The following GALK2 variants were observed in gnomAD, a reference collection of about 807,000 sequenced individuals.
The protein encoded by GALK2 is N-acetylgalactosamine kinase.
In GALK2, 36 loss-of-function variants were observed where a neutral mutation model predicts 52.4. That is an observed-to-expected ratio of 0.69 (90% CI 0.53 to 0.91). GALK2 has a LOEUF of 0.91. Ranked by LOEUF, GALK2 falls within the 40% of genes least tolerant of loss-of-function variation. GALK2 has a pLI of 0.00. For missense variants in GALK2, 579 were observed against 559.1 expected, an observed-to-expected ratio of 1.04 and a Z score of -0.36; for synonymous variants, 176 against 199.1, an observed-to-expected ratio of 0.88 and a Z score of 0.98.
chr15:49,186,706 T>A (rs2086373335), intron 1 of GALK2, among the ~76,000 whole-genome samples: 1 of 151,856 alleles, frequency 6.6e-6, no homozygotes, highest in South Asian at 2.1e-4. Flanking sequence ...ACCCAGCTAA[T>A]TTTTGTATTT....
intron 1 of GALK2, among the ~76,000 whole-genome samples, chr15:49,159,499 C>T (rs1236522015): frequency 6.6e-6 from 1 of 150,682 alleles, no homozygotes; most frequent in African/African-American, 2.4e-5. Flanking sequence ...TCTTTTGAAC[C>T]AGGGAGGCAG....
At chr15:49,347,051 C>T (rs2041610084) in intron 3 of GALK2, among the ~76,000 whole-genome samples, 1 of 152,198 alleles carries the variant, frequency 6.6e-6, no homozygotes, top group Non-Finnish European at 1.5e-5. Flanking sequence ...TACCCAGATT[C>T]TAAATGGCCT....
Position 49,328,297 on chromosome 15 carries a change from G to T in GALK2, c.*138G>T. ...TATTATATCAAGATATATTTTCAAA[G>T]AAATGGTTGAAAGCTCTCTATGCTT... On this transcript the variant is annotated 3_prime_UTR_variant, in exon 10 of 10. Coordinates refer to ENST00000560031, the MANE Select transcript of GALK2 (RefSeq NM_002044.4). The T allele has an allele frequency of 7.0e-7, 1 of 1,436,672 alleles. No individual in the cohort carries two copies. The highest frequency in any genetic ancestry group is 1.5e-5 in the South Asian group (1 of 64,812). 89.0% of individuals were successfully genotyped at this position (1,436,672 alleles called of 1,614,324 possible). A position where few individuals can be genotyped will look rare whatever the true frequency, so the allele number is the denominator to read the frequency against.
At chr15:49,202,575 C>T (rs1180297808) in intron 2 of GALK2, among the ~76,000 whole-genome samples, 1 of 152,154 alleles carries the variant, frequency 6.6e-6, no homozygotes, top group Admixed American at 6.5e-5. Flanking sequence ...TGCACACATA[C>T]ACCACATTTT....
chr15:49,228,682 T>TATATATATATATATAC (rs1555409030), intron 3 of GALK2, among the ~76,000 whole-genome samples: 3 of 14,558 alleles, frequency 2.1e-4, no homozygotes, highest in African/African-American at 5.7e-4. Context: ...TATATATATA[T>TATATATATATATATAC]ATATATTTTT....
chr15:49,161,996 G>A (rs951361540), intron 1 of GALK2: 3 of 152,378 alleles, frequency 2.0e-5, no homozygotes, highest in African/African-American at 7.2e-5. Flanking sequence ...TGGGACTACA[G>A]GCATGAGCCA....
Position 49,330,755 on chromosome 15 carries a change from A to T in GALK2, c.*2596A>T, listed in dbSNP as rs551780162. Reference sequence around the variant, plus strand: ...AGGGAAGATAGACCAAAAAAAAAAAAAAAGAGAGAAAGAATGAATATTTTT... The same window carrying T: ...AGGGAAGATAGACCAAAAAAAAAAATAAAGAGAGAAAGAATGAATATTTTT... On this transcript the variant is annotated 3_prime_UTR_variant, in exon 10 of 10. Transcript: ENST00000560031. The T allele has an allele frequency of 1.1e-4, 17 of 152,220 alleles. No homozygotes were observed. In the East Asian group the frequency reaches 3.3e-3, roughly 29 times the overall value. 9.4% of individuals were successfully genotyped at this position (152,220 alleles called of 1,614,324 possible).
intron 1 of GALK2, among the ~76,000 whole-genome samples, chr15:49,187,892 G>A (rs1056757891): frequency 6.6e-6 from 1 of 152,052 alleles, no homozygotes; most frequent in Non-Finnish European, 1.5e-5. Flanking sequence ...CCAAGTCCTA[G>A]AATTGTGGAC....
Position 49,160,675 on chromosome 15 carries a change from G to T in GALK2, c.20+4659G>T, listed in dbSNP as rs8042734. On this transcript the variant is annotated intron_variant, in intron 1 of 9. Coordinates refer to the GALK2 transcript ENST00000327171. ...GTCAAGAGATCGAGACCATCCTGGC[G>T]AACATGGTGAAACCCCGTCTCTACT... Among the ~76,000 whole-genome samples, 459 of 151,988 alleles carry T rather than the reference G, an allele frequency of 3.0e-3. 5 individuals carry two copies. The highest frequency in any genetic ancestry group is 0.01 in the African/African-American group (432 of 41,478).
At chr15:49,334,849 C>T (rs1448726797), downstream of GALK2, among the ~76,000 whole-genome samples, 1 of 152,152 alleles carries the variant, frequency 6.6e-6, no homozygotes, top group Non-Finnish European at 1.5e-5. Context: ...AAGAACTGGA[C>T]CCTGCCCATT....
At chr15:49,299,868 T>C (rs920532745) in intron 8 of GALK2, among the ~76,000 whole-genome samples, 9 of 151,602 alleles carry the variant, frequency 5.9e-5, no homozygotes, top group Non-Finnish European at 1.3e-4. Flanking sequence ...TGGCTGGGCA[T>C]GTGGTCAGTC....
chr15:49,298,486 G>A (rs2034679679), intron 8 of GALK2, among the ~76,000 whole-genome samples: 1 of 152,076 alleles, frequency 6.6e-6, no homozygotes, highest in South Asian at 2.1e-4. Flanking sequence ...TCCTTGTTTT[G>A]TTCTGGTTCT....
chr15:49,299,746 T>TCTTTCTTTCTTTCTTTCTTTCTTTC (rs2034865815), intron 8 of GALK2, among the ~76,000 whole-genome samples: 8 of 126,772 alleles, frequency 6.3e-5, no homozygotes, highest in South Asian at 2.7e-4. Context: ...TTTCTTTCTT[T>TCTTTCTTTCTTTCTTTCTTTCTTTC]CTTTCTTTCT....
intron 1 of GALK2, among the ~76,000 whole-genome samples, chr15:49,164,956 A>G (rs997555046): frequency 3.3e-5 from 5 of 152,044 alleles, no homozygotes; most frequent in African/African-American, 1.2e-4. Context: ...TGATGATGGA[A>G]TGTATACTAG....
Position 49,329,828 on chromosome 15 carries a change from C to CCTGTCAT in GALK2, c.*1670_*1676dup. On this transcript the variant is annotated 3_prime_UTR_variant, in exon 10 of 10. Transcript: ENST00000560031. ...GTGTAAAAAAAAAAAAAAAAAGGCA[C>CCTGTCAT]CTGTCATTGTTTTGCTGTTCCATTT... The CCTGTCAT allele has an allele frequency of 1.7e-6, 1 of 583,044 alleles. No homozygotes were observed. The allele number at this position is 583,044 out of a possible 1,614,324, so 36.1% of individuals were successfully genotyped here.
In GALK2 at chr15:49,204,395, A is replaced by G. The variant is rs1022236878; in HGVS notation, c.142+3145A>G. Among the ~76,000 whole-genome samples, 5 of 151,780 alleles carry G rather than the reference A, an allele frequency of 3.3e-5. No individual in the cohort carries two copies. In the East Asian group the frequency reaches 9.7e-4, roughly 29 times the overall value. On this transcript the variant is annotated intron_variant, in intron 2 of 9. Coordinates refer to ENST00000560031, the MANE Select transcript of GALK2 (RefSeq NM_002044.4). ...TTCTGTGAAGAATGTCATTGGTATC[A>G]TACGAGGAATTGCATTGAATCTGTA...
chr15:49,212,834 A>G (rs2089038714), intron 2 of GALK2, among the ~76,000 whole-genome samples: 1 of 151,984 alleles, frequency 6.6e-6, no homozygotes, highest in African/African-American at 2.4e-5. Context: ...GTTTATTTCT[A>G]ATTTTATTTC....
intron 5 of GALK2, among the ~76,000 whole-genome samples, chr15:49,248,502 C>T (rs1370554657): frequency 6.6e-6 from 1 of 152,154 alleles, no homozygotes; most frequent in Non-Finnish European, 1.5e-5. Flanking sequence ...AGGTGTTGAA[C>T]ATGGACTGAA....
intron 8 of GALK2, among the ~76,000 whole-genome samples, chr15:49,311,377 C>T (rs889272223): frequency 1.3e-5 from 2 of 152,242 alleles, no homozygotes; most frequent in African/African-American, 4.8e-5. Context: ...ACAAAGTCCT[C>T]ATTATCTGGC....
Sources: allele counts gnomAD v4.1 joint callset (sites outside exome capture counted in the v4.1 genomes callset), GRCh38; gene constraint gnomAD v4.1.1; transcripts MANE v1.5; gene names NCBI Gene and HGNC (gene_info 2026-07-23, HGNC 2026-07-21).